DTD1: variants seen among roughly 807,000 people sequenced by gnomAD.
The protein encoded by DTD1 is D-tyrosyl-tRNA deacylase 1 homolog.
DTD1 carries 13 observed loss-of-function variants against 25.6 expected under a neutral mutation model. The observed-to-expected ratio is 0.51, with a 90% CI of 0.33 to 0.81. The LOEUF (loss-of-function observed/expected upper bound fraction) is 0.81, where lower values mean the gene tolerates loss of function less well. Among genes scored for constraint, DTD1 ranks in the 30% least tolerant of loss-of-function variants. DTD1 has a pLI of 0.02. For missense variants in DTD1, 193 were observed against 266.4 expected, an observed-to-expected ratio of 0.72 and a Z score of 1.92; for synonymous variants, 110 against 103.6, an observed-to-expected ratio of 1.06 and a Z score of -0.37.
intron 4 of DTD1, among the ~76,000 whole-genome samples, chr20:18,743,271 C>G (rs2122519691): frequency 6.6e-6 from 1 of 152,370 alleles, no homozygotes; most frequent in East Asian, 1.9e-4. Flanking sequence ...ACCACGCAGC[C>G]TGCAAGCAAG....
At chr20:18,595,980 G>T in intron 2 of DTD1, 26 bp from the exon 3 acceptor site, 1 of 1,601,866 alleles carries the variant, frequency 6.2e-7, no homozygotes, top group Non-Finnish European at 8.6e-7. Flanking sequence ...CTCTCAGGTA[G>T]CTCTCACTGC....
chr20:18,684,487 G>A (rs548765954), intron 4 of DTD1, among the ~76,000 whole-genome samples: 7 of 151,994 alleles, frequency 4.6e-5, no homozygotes, highest in African/African-American at 9.7e-5. Context: ...GGGTTTCATC[G>A]TGTTGGCTAG....
chr20:18,706,315 G>T (rs941418440), intron 4 of DTD1, among the ~76,000 whole-genome samples: 2 of 152,202 alleles, frequency 1.3e-5, no homozygotes, highest in African/African-American at 4.8e-5. Flanking sequence ...TGTTTGGGGG[G>T]ATTGCTCTTC....
At chr20:18,616,821 A>T (rs547996038) in intron 3 of DTD1, among the ~76,000 whole-genome samples, 6 of 152,278 alleles carry the variant, frequency 3.9e-5, no homozygotes, top group African/African-American at 1.4e-4. Flanking sequence ...AAATTTTTTT[A>T]AAAAAGCAGT....
chr20:18,743,385 G>A (rs1377524875), intron 4 of DTD1, among the ~76,000 whole-genome samples: 1 of 152,184 alleles, frequency 6.6e-6, no homozygotes, highest in Non-Finnish European at 1.5e-5. Context: ...AGAGTAATGT[G>A]TTTTGAACAT....
In DTD1 at chr20:18,631,189, G is replaced by A. The variant is rs117948945; in HGVS notation, c.477+2956G>A. ...CGTGGTAGCAGAGCTACCCTTTCCT[G>A]GGCTGAGTCCAGCCTCTCCCTGGGG... On this transcript the variant is annotated intron_variant, in intron 4 of 5. Transcript: ENST00000377452. The A allele has an allele frequency of 5.8e-3, 5,717 of 985,462 alleles. 19 individuals are homozygous for A. Among genetic ancestry groups the A allele is most frequent in the Non-Finnish European group, 6.3e-3 (5,246 of 829,942 alleles). The allele number at this position is 985,462 out of a possible 1,614,324, so 61.0% of individuals were successfully genotyped here. A position where few individuals can be genotyped will look rare whatever the true frequency, so the allele number is the denominator to read the frequency against.
At position 18,656,181 on chromosome 20, in the gene DTD1, A is replaced by G. The variant is rs1038119601; in HGVS notation, c.477+27948A>G. Among the ~76,000 whole-genome samples the G allele has an allele frequency of 3.9e-5, 6 of 152,300 alleles. No homozygotes were observed. The East Asian group carries it at 1.2e-3, about 29-fold the overall frequency. On this transcript the variant is annotated intron_variant, in intron 4 of 5. Coordinates refer to ENST00000377452, the MANE Select transcript of DTD1 (RefSeq NM_080820.6). Reference sequence around the variant, plus strand: ...AGGAAAATGGAGGAAACATCTAGAAATAAAGAAGGCTTGGATATTTTCTTT... The same window carrying G: ...AGGAAAATGGAGGAAACATCTAGAAGTAAAGAAGGCTTGGATATTTTCTTT...
intron 3 of DTD1, among the ~76,000 whole-genome samples, chr20:18,612,593 T>C (rs1467380958): frequency 6.6e-6 from 1 of 152,156 alleles, no homozygotes; most frequent in East Asian, 1.9e-4. Context: ...GAACCTGAGC[T>C]TCACTGATAT....
intron 4 of DTD1, among the ~76,000 whole-genome samples, chr20:18,664,087 G>A (rs2060922128): frequency 6.6e-6 from 1 of 152,176 alleles, no homozygotes; most frequent in Non-Finnish European, 1.5e-5. Flanking sequence ...TATCATCTAG[G>A]TTTGTGTAAG....
At chr20:18,614,228 C>G (rs1424079312) in intron 3 of DTD1, among the ~76,000 whole-genome samples, 1 of 152,146 alleles carries the variant, frequency 6.6e-6, no homozygotes, top group Non-Finnish European at 1.5e-5. Flanking sequence ...CACTGAGCAT[C>G]CCACATCCCT....
intron 5 of DTD1, among the ~76,000 whole-genome samples, chr20:18,748,019 AAAAC>A (rs999733569): frequency 3.3e-5 from 5 of 152,128 alleles, no homozygotes; most frequent in African/African-American, 9.7e-5. Flanking sequence ...CTCCATCTCA[AAAAC>A]AAACAAACAA....
At chr20:18,618,777 A>C (rs1189266157) in intron 3 of DTD1, among the ~76,000 whole-genome samples, 1 of 149,050 alleles carries the variant, frequency 6.7e-6, no homozygotes, top group African/African-American at 2.5e-5. Context: ...TAATGGCGTC[A>C]TCTTGGCTCA....
At chr20:18,744,021 T>C in intron 4 of DTD1, 79 bp from the exon 5 acceptor site, 1 of 1,468,778 alleles carries the variant, frequency 6.8e-7, no homozygotes, top group Non-Finnish European at 9.1e-7. Context: ...GGTTCCCACC[T>C]GGGAAGTCAC....
chr20:18,736,885 C>G (rs951240726), intron 4 of DTD1, among the ~76,000 whole-genome samples: 1 of 152,072 alleles, frequency 6.6e-6, no homozygotes, highest in Non-Finnish European at 1.5e-5. Context: ...CTGTCCTGTC[C>G]ATTCATTTCT....
intron 4 of DTD1, among the ~76,000 whole-genome samples, chr20:18,650,657 C>T (rs989246019): frequency 6.6e-6 from 1 of 152,070 alleles, no homozygotes; most frequent in African/African-American, 2.4e-5. Flanking sequence ...ATATAAGTTC[C>T]CCAAGGGCAG....
rs575016373 is a variant in DTD1 at position 18,699,844 on chromosome 20, A to G, written c.478-44256A>G. The stretch of plus-strand genomic sequence containing the variant: ...ATAATTCCAGACTTAATGAAGTTGC[A>G]AAAATAGACCAGAAGAGTTCTCATA... On this transcript the variant is annotated intron_variant, in intron 4 of 5. Coordinates refer to ENST00000377452, the MANE Select transcript of DTD1 (RefSeq NM_080820.6). Among the ~76,000 whole-genome samples, 88 of 152,346 alleles carry G rather than the reference A, an allele frequency of 5.8e-4. No homozygotes were observed. In the South Asian group the frequency reaches 0.017, roughly 29 times the overall value.
intron 3 of DTD1, 68 bp from the exon 4 acceptor site, chr20:18,628,059 A>G (rs1010979485): frequency 1.5e-6 from 2 of 1,297,532 alleles, no homozygotes; most frequent in Non-Finnish European, 2.2e-6. Context: ...ATGAACTAAT[A>G]CAGTGTGCTT....
chr20:18,757,187 TTCTAGATATACAATTCATG>T (rs1286157385), intron 5 of DTD1, among the ~76,000 whole-genome samples: 3 of 152,234 alleles, frequency 2.0e-5, no homozygotes, highest in Non-Finnish European at 4.4e-5. Context: ...TGATGGGGTT[TTCTAGATATACAATTCATG>T]TCATCTGCAA....
chr20:18,612,009 C>T (rs115318467), intron 3 of DTD1, among the ~76,000 whole-genome samples: 1,678 of 149,664 alleles, frequency 0.011, 27 homozygotes, highest in African/African-American at 0.038. Flanking sequence ...CGCCCACGAC[C>T]GTGCCCGGCT....
Sources: allele counts gnomAD v4.1 joint callset (sites outside exome capture counted in the v4.1 genomes callset), GRCh38; gene constraint gnomAD v4.1.1; transcripts MANE v1.5; gene names NCBI Gene and HGNC (gene_info 2026-07-23, HGNC 2026-07-21).